SMAD1: variants seen among roughly 807,000 people sequenced by gnomAD.
SMAD1 encodes the protein SMAD family member 1.
SMAD1 carries 6 observed loss-of-function variants against 41.6 expected under a neutral mutation model. The observed-to-expected ratio is 0.14, with a 90% CI of 0.08 to 0.28. The LOEUF is 0.28. SMAD1 is among the 10% of genes least tolerant of loss of function. SMAD1 has a pLI of 1.00. For missense variants in SMAD1, 379 were observed against 582.6 expected, an observed-to-expected ratio of 0.65 and a Z score of 3.60; for synonymous variants, 206 against 203.2, an observed-to-expected ratio of 1.01 and a Z score of -0.12.
chr4:145,514,545 T>G lies in SMAD1; in HGVS notation c.-69T>G. 7.3e-7 allele frequency: 1 copy of G among 1,377,070 alleles called. No homozygotes were observed. The allele number at this position is 1,377,070 out of a possible 1,614,324, so 85.3% of individuals were successfully genotyped here. A position where few individuals can be genotyped will look rare whatever the true frequency, so the allele number is the denominator to read the frequency against. On this transcript the variant is annotated 5_prime_UTR_variant, in exon 2 of 7. Transcript: ENST00000302085. The surrounding 1 kb of genome is among the most constrained non-coding windows in gnomAD (Gnocchi z 4.7). ...TCTCTGTAAATAAACAAATCTCTTC[T>G]GCTGTCCTTTTGCATTTGGAGACAG...
intron 1 of SMAD1, among the ~76,000 whole-genome samples, chr4:145,505,919 A>T (rs532335487): frequency 1.6e-4 from 24 of 151,718 alleles, no homozygotes; most frequent in African/African-American, 5.8e-4. Context: ...ATCTTGGCTT[A>T]CTGCAACCTC....
At chr4:145,484,559 G>A (rs572222246) in intron 1 of SMAD1, 2 of 152,472 alleles carry the variant, frequency 1.3e-5, no homozygotes, top group Admixed American at 6.5e-5. Context: ...ATAGTGGAAA[G>A]GCTGAGATGG....
chr4:145,542,178 C>A (rs1731983830), intron 3 of SMAD1, among the ~76,000 whole-genome samples: 1 of 152,228 alleles, frequency 6.6e-6, no homozygotes. Flanking sequence ...CCCTGAAGCT[C>A]CTTTTCTTAA....
At chr4:145,532,076 C>A (rs1731347782) in intron 2 of SMAD1, among the ~76,000 whole-genome samples, 1 of 152,212 alleles carries the variant, frequency 6.6e-6, no homozygotes, top group Admixed American at 6.5e-5. Context: ...CAGAGCTCAG[C>A]CCCTCTCTAC....
At chr4:145,491,242 G>A (rs977401478) in intron 1 of SMAD1, among the ~76,000 whole-genome samples, 6 of 152,182 alleles carry the variant, frequency 3.9e-5, no homozygotes, top group African/African-American at 1.4e-4. Context: ...AAAATTGGTA[G>A]TGGACGTGAA....
At chr4:145,542,768 A>C in intron 4 of SMAD1, 70 bp downstream of exon 4, 3 of 1,003,956 alleles carry the variant, frequency 3.0e-6, no homozygotes, top group Non-Finnish European at 4.5e-6. Flanking sequence ...TTCTCTCACA[A>C]ATTTTTATTA....
chr4:145,507,361 A>T (rs1578761909), intron 1 of SMAD1, among the ~76,000 whole-genome samples: 1 of 152,262 alleles, frequency 6.6e-6, no homozygotes, highest in Non-Finnish European at 1.5e-5. Context: ...CATGGTACAT[A>T]TAACCAACCA....
intron 1 of SMAD1, among the ~76,000 whole-genome samples, chr4:145,489,343 T>A (rs927078418): frequency 1.3e-5 from 2 of 152,126 alleles, no homozygotes; most frequent in African/African-American, 4.8e-5. Flanking sequence ...CTGAAAGTGT[T>A]TGAACATGCA....
chr4:145,513,142 C>T (rs1730182600), intron 1 of SMAD1: 1 of 152,228 alleles, frequency 6.6e-6, no homozygotes, highest in Non-Finnish European at 1.5e-5. Context: ...CTGCTCGGCT[C>T]CTAGACCTTT....
At chr4:145,505,935 C>G (rs762243031) in intron 1 of SMAD1, among the ~76,000 whole-genome samples, 1 of 151,900 alleles carries the variant, frequency 6.6e-6, no homozygotes, top group South Asian at 2.1e-4. Context: ...ACCTCCACCT[C>G]CCTGTTCAAG....
At chr4:145,546,522 G>C in intron 4 of SMAD1, 181 bp from the exon 5 acceptor site, 1 of 589,860 alleles carries the variant, frequency 1.7e-6, no homozygotes. Context: ...AGGAGAATAA[G>C]GAGAGTGTCA....
chr4:145,554,040 G>A lies in SMAD1; in HGVS notation c.1254G>A (p.Lys418=). 1 of 1,609,784 alleles carries A rather than the reference G, an allele frequency of 6.2e-7. No homozygotes were observed. The highest frequency in any genetic ancestry group is 8.5e-7 in the Non-Finnish European group (1 of 1,177,106). The change falls in exon 6 of 7, where the codon AAG becomes AAA. Residue 418 remains lysine, a splice_region_variant and synonymous_variant. Transcript: ENST00000302085. ...GTACTATACGTATGAGCTTTGTGAA[G>A]GTAAGTGAGCTCCGACTCCTCCATT... The part of the protein sequence containing the change: ...KMCTIRMSFV[K]GWGAEYHRQD...
chr4:145,522,806 A>G (rs1208298372), intron 2 of SMAD1, among the ~76,000 whole-genome samples: 1 of 151,732 alleles, frequency 6.6e-6, no homozygotes, highest in Non-Finnish European at 1.5e-5. Flanking sequence ...CAGCCTCCTC[A>G]GTAGCTGGGA....
At chr4:145,497,195 T>A (rs1289776808) in intron 1 of SMAD1, 2 of 152,234 alleles carry the variant, frequency 1.3e-5, no homozygotes, top group Non-Finnish European at 2.9e-5. Flanking sequence ...GTAAGGCTGC[T>A]TTGGATTATC....
At position 145,558,531 on chromosome 4, in the gene SMAD1, A is replaced by C. The variant is rs1258191426; in HGVS notation, c.*597A>C. ...ATGCTAGGCATATGCTTTTTGCTAAATATGTATGTACAGAGTATTTGGAAG... is the reference window on the plus strand; with the variant it reads ...ATGCTAGGCATATGCTTTTTGCTAACTATGTATGTACAGAGTATTTGGAAG... On this transcript the variant is annotated 3_prime_UTR_variant, in exon 7 of 7. Coordinates refer to ENST00000302085, the MANE Select transcript of SMAD1 (RefSeq NM_005900.3). 6.6e-6 allele frequency among the ~76,000 whole-genome samples: 1 copy of C among 152,192 alleles called. No homozygotes were observed. The highest frequency in any genetic ancestry group is 1.5e-5 in the Non-Finnish European group (1 of 68,034).
At chr4:145,494,994 A>G (rs1172400981) in intron 1 of SMAD1, among the ~76,000 whole-genome samples, 5 of 152,182 alleles carry the variant, frequency 3.3e-5, no homozygotes, top group Non-Finnish European at 7.3e-5. Flanking sequence ...GGAGTCTGCA[A>G]ATGAGTTATA....
intron 2 of SMAD1, among the ~76,000 whole-genome samples, chr4:145,531,744 A>T (rs1016527328): frequency 3.9e-5 from 6 of 152,068 alleles, no homozygotes; most frequent in Non-Finnish European, 8.8e-5. Flanking sequence ...CTTGACTCTA[A>T]CCTAAATGCC....
At chr4:145,510,080 G>A (rs553972269) in intron 1 of SMAD1, among the ~76,000 whole-genome samples, 2 of 152,200 alleles carry the variant, frequency 1.3e-5, no homozygotes, top group East Asian at 1.9e-4. Context: ...GACATGCACC[G>A]TTTGCCATGA....
At chr4:145,506,773 G>C (rs528631967) in intron 1 of SMAD1, among the ~76,000 whole-genome samples, 1 of 152,160 alleles carries the variant, frequency 6.6e-6, no homozygotes, top group Admixed American at 6.5e-5. Context: ...ACAGGAGTTG[G>C]ATAATTTACT....
Sources: gnomAD v4.1 joint callset for allele counts (sites outside exome capture counted in the v4.1 genomes callset) on GRCh38, gnomAD v4.1.1 for gene constraint, Gnocchi (gnomAD v3.1) non-coding constraint, MANE v1.5 for transcripts, NCBI Gene and HGNC (gene_info 2026-07-23, HGNC 2026-07-21) for gene names.